SCARB1: variants seen among roughly 807,000 people sequenced by gnomAD.
The protein encoded by SCARB1 is CD36 and LIMPII analogous 1.
A neutral mutation model predicts 57.2 loss-of-function variants in SCARB1; 30 were observed. The observed-to-expected ratio is 0.52, with a 90% CI of 0.39 to 0.71. The LOEUF (loss-of-function observed/expected upper bound fraction) is 0.71, where lower values mean the gene tolerates loss of function less well. Ranked by LOEUF, SCARB1 falls within the 30% of genes least tolerant of loss-of-function variation. SCARB1 has a pLI of 0.00. For synonymous variants in SCARB1, 249 were observed against 268.3 expected (o/e 0.93, Z 0.70); for missense variants, 543 against 671.2 (o/e 0.81, Z 2.11).
At chr12:124,781,901 ATTTAT>A (rs772026405) in intron 12 of SCARB1, among the ~76,000 whole-genome samples, 123 of 151,534 alleles carry the variant, frequency 8.1e-4, no homozygotes, top group Admixed American at 1.2e-3. Flanking sequence ...TTATTTATTT[ATTTAT>A]TTTAGTTTTA....
At chr12:124,847,709 G>A (rs73417413) in intron 1 of SCARB1, among the ~76,000 whole-genome samples, 3,984 of 152,324 alleles carry the variant, frequency 0.026, 177 homozygotes, top group African/African-American at 0.089. Flanking sequence ...TAGAAAGCAG[G>A]TGGAGGAAGG....
In SCARB1 at chr12:124,786,550, G is replaced by C. The variant is rs368108394; in HGVS notation, c.1255-47C>G. The C allele has an allele frequency of 3.7e-6, 6 of 1,608,994 alleles. No homozygotes were observed. In the Admixed American group the frequency reaches 5.0e-5, roughly 13 times the overall value. On this transcript the variant is annotated intron_variant, in intron 10 of 12. Coordinates refer to ENST00000261693, the MANE Select transcript of SCARB1 (RefSeq NM_005505.5). ...CACATGAGCTGGGGCCGCAGGCTGC[G>C]GGCTACAGCGCAGATGCCACCCAAC...
chr12:124,819,822 G>A (rs1390502024), intron 1 of SCARB1, among the ~76,000 whole-genome samples: 1 of 152,268 alleles, frequency 6.6e-6, no homozygotes, highest in African/African-American at 2.4e-5. Context: ...TTTGGAGGCA[G>A]CCAGACCCTG....
chr12:124,823,353 A>G (rs964078068), intron 1 of SCARB1, among the ~76,000 whole-genome samples: 1 of 152,244 alleles, frequency 6.6e-6, no homozygotes, highest in Non-Finnish European at 1.5e-5. Flanking sequence ...CTCCAAAGAA[A>G]ATACACAAAT....
chr12:124,794,691 G>A (rs1031392740), intron 9 of SCARB1, among the ~76,000 whole-genome samples: 1 of 152,224 alleles, frequency 6.6e-6, no homozygotes, highest in African/African-American at 2.4e-5. Flanking sequence ...AGCATGCTGG[G>A]AGGCCCAGGT....
At chr12:124,842,004 G>A (rs1012133986) in intron 1 of SCARB1, among the ~76,000 whole-genome samples, 1 of 152,192 alleles carries the variant, frequency 6.6e-6, no homozygotes, top group Admixed American at 6.5e-5. Context: ...CCGAAAGGAT[G>A]AGTAGCTTTC....
chr12:124,780,115 T>C (rs1309642731), intron 12 of SCARB1, among the ~76,000 whole-genome samples: 1 of 151,906 alleles, frequency 6.6e-6, no homozygotes, highest in African/African-American at 2.4e-5. Flanking sequence ...CTCCTTCCCC[T>C]CCTCCTCCTC....
intron 1 of SCARB1, among the ~76,000 whole-genome samples, chr12:124,841,814 C>G (rs1279248335): frequency 6.6e-6 from 1 of 152,192 alleles, no homozygotes; most frequent in African/African-American, 2.4e-5. Context: ...GTCAGCTCAC[C>G]TGCCTCGTCC....
At chr12:124,778,677 C>T in intron 12 of SCARB1, 91 bp from the exon 13 acceptor site, 1 of 1,249,538 alleles carries the variant, frequency 8.0e-7, no homozygotes, top group Non-Finnish European at 1.0e-6. Context: ...TACCCACATC[C>T]CCAGCAGAGA....
At chr12:124,836,579 GCCCAGGAGTTCGAGACCAGC>G (rs1482293825) in intron 1 of SCARB1, among the ~76,000 whole-genome samples, 5 of 152,168 alleles carry the variant, frequency 3.3e-5, no homozygotes, top group African/African-American at 1.2e-4. Context: ...GATCACTGGA[GCCCAGGAGTTCGAGACCAGC>G]CTGCGCAACA....
chr12:124,779,585 G>A (rs1873030768), intron 12 of SCARB1, among the ~76,000 whole-genome samples: 1 of 152,166 alleles, frequency 6.6e-6, no homozygotes, highest in South Asian at 2.1e-4. Flanking sequence ...CTGGGTGAGG[G>A]GAACTGGATA....
rs1950488480 is a variant in SCARB1 at position 124,810,584 on chromosome 12, G to T, written c.727-295C>A. On this transcript the variant is annotated intron_variant, in intron 5 of 12. Transcript: ENST00000261693. This position sits in a 1 kb window ranked among gnomAD's most constrained non-coding sequence, Gnocchi z 4.0. ...TCTGGAAAAGAAGTGTGGTGAGCAG[G>T]TGAGGTGAGAGGTGGGGCGCGGCTG... Among the ~76,000 whole-genome samples the T allele has an allele frequency of 6.6e-6, 1 of 152,240 alleles. No individual in the cohort carries two copies. The highest frequency in any genetic ancestry group is 6.5e-5 in the Admixed American group (1 of 15,292).
intron 1 of SCARB1, among the ~76,000 whole-genome samples, chr12:124,841,167 T>C (rs967058185): frequency 5.3e-5 from 8 of 152,062 alleles, no homozygotes; most frequent in African/African-American, 1.7e-4. Flanking sequence ...GTCAGGAGAT[T>C]GAGACCATGC....
In SCARB1 at chr12:124,857,994, C is replaced by T. The variant is rs186097262; in HGVS notation, c.126+5601G>A. ...CCTTCCTTGGAGGACCAGAGACATA[C>T]GGGAACTTGGATGTGTGCCCCCCAG... is the stretch of plus-strand genomic sequence containing the variant. On this transcript the variant is annotated intron_variant, in intron 1 of 12. Coordinates refer to ENST00000261693, the MANE Select transcript of SCARB1 (RefSeq NM_005505.5). 2.0e-4 allele frequency among the ~76,000 whole-genome samples: 31 copies of T among 152,332 alleles called. No homozygotes were observed. The East Asian group carries it at 4.8e-3, about 24-fold the overall frequency.
chr12:124,838,605 A>G (rs1951784999), intron 1 of SCARB1, among the ~76,000 whole-genome samples: 1 of 152,010 alleles, frequency 6.6e-6, no homozygotes. Context: ...CAGGCTCAGC[A>G]TGTTGGAATT....
At position 124,778,363 on chromosome 12, in the gene SCARB1, G is replaced by A; in HGVS notation, c.*224C>T. 3 of 1,136,264 alleles carry A rather than the reference G, an allele frequency of 2.6e-6. No homozygotes were observed. The highest frequency in any genetic ancestry group is 3.3e-6 in the Non-Finnish European group (3 of 895,644). 70.4% of individuals were successfully genotyped at this position (1,136,264 alleles called of 1,614,324 possible). ...GAGCCTCTCCCTACAAGTCCCTTCA[G>A]CAGCAGCTCCATCCCTGAGTGTCTG... On this transcript the variant is annotated 3_prime_UTR_variant, in exon 13 of 13. Transcript: ENST00000261693.
rs1950084517 is a variant in SCARB1 at position 124,800,266 on chromosome 12, C to T, written c.1010-24G>A. On this transcript the variant is annotated intron_variant, in intron 7 of 12. Coordinates refer to ENST00000261693, the MANE Select transcript of SCARB1 (RefSeq NM_005505.5). The surrounding 1 kb of genome is among the most constrained non-coding windows in gnomAD (Gnocchi z 4.8). ...ACCTAGAAGAGGGGCAGGGAGGGGA[C>T]ATCAGACAAGGACAGTATATTGGCA... 6.4e-7 allele frequency: 1 copy of T among 1,557,894 alleles called. No homozygotes were observed. Among genetic ancestry groups the T allele is most frequent in the South Asian group, 1.1e-5 (1 of 89,694 alleles).
chr12:124,850,481 G>A (rs988450582), intron 1 of SCARB1, among the ~76,000 whole-genome samples: 1 of 152,192 alleles, frequency 6.6e-6, no homozygotes, highest in African/African-American at 2.4e-5. Context: ...AGACCAGCCT[G>A]GCCAACATGG....
intron 7 of SCARB1, among the ~76,000 whole-genome samples, chr12:124,801,256 C>T (rs969663048): frequency 1.1e-4 from 17 of 151,556 alleles, no homozygotes; most frequent in African/African-American, 3.4e-4. Context: ...TGCTAATCCA[C>T]AGACAGAGCC....
Sources: allele counts gnomAD v4.1 joint callset (sites outside exome capture counted in the v4.1 genomes callset), GRCh38; gene constraint gnomAD v4.1.1; non-coding constraint Gnocchi (gnomAD v3.1); transcripts MANE v1.5; gene names NCBI Gene and HGNC (gene_info 2026-07-23, HGNC 2026-07-21).